The following SNX24 variants were observed in gnomAD, a reference collection of about 807,000 sequenced individuals.
The protein encoded by SNX24 is sorting nexin-24.
Under a neutral mutation model 28.7 loss-of-function variants are expected in SNX24, and 22 were observed. The ratio of observed to expected loss-of-function variants is 0.77; its 90% CI spans 0.55 to 1.10. The LOEUF (loss-of-function observed/expected upper bound fraction) is 1.10. Ranked by LOEUF, SNX24 falls within the 50% of genes least tolerant of loss-of-function variation. SNX24 has a pLI of 0.00. For synonymous variants in SNX24, 69 were observed against 71.5 expected (o/e 0.96, Z 0.18); for missense variants, 221 against 201.1 (o/e 1.10, Z -0.60).
At chr5:122,909,314 A>G (rs1272638470) in intron 1 of SNX24, among the ~76,000 whole-genome samples, 1 of 152,202 alleles carries the variant, frequency 6.6e-6, no homozygotes, top group Non-Finnish European at 1.5e-5. Context: ...AATCTGTGCC[A>G]GGTACCGTAC....
intron 1 of SNX24, among the ~76,000 whole-genome samples, chr5:122,887,982 G>A (rs950871438): frequency 5.9e-5 from 9 of 152,152 alleles, no homozygotes; most frequent in Admixed American, 1.3e-4. Context: ...GATTACAGGC[G>A]TGAGCCACCG....
intron 1 of SNX24, among the ~76,000 whole-genome samples, chr5:122,894,568 T>A (rs1757120418): frequency 6.6e-6 from 1 of 152,186 alleles, no homozygotes; most frequent in African/African-American, 2.4e-5. Flanking sequence ...ATTGGGGTTG[T>A]TTTTCAGCGT....
At position 122,863,348 on chromosome 5, in the gene SNX24, A is replaced by G. The variant is rs2150044478; in HGVS notation, c.60+17655A>G. Among the ~76,000 whole-genome samples, 4 of 152,082 alleles carry G rather than the reference A, an allele frequency of 2.6e-5. 1 individual carries two copies. Among genetic ancestry groups the G allele is most frequent in the Admixed American group, 2.6e-4 (4 of 15,266 alleles). The stretch of plus-strand genomic sequence containing the variant: ...AAGGACATGAAGTGGAAGTGTGCAT[A>G]GTGTGTTTTAGGAATAGAAAGGATC... On this transcript the variant is annotated intron_variant, in intron 1 of 6. Transcript: ENST00000261369.
intron 3 of SNX24, among the ~76,000 whole-genome samples, chr5:122,955,203 G>A (rs955195475): frequency 6.6e-6 from 1 of 151,664 alleles, no homozygotes; most frequent in Admixed American, 6.6e-5. Flanking sequence ...ATATTTTTTA[G>A]TTGTAAAATT....
At chr5:122,889,551 T>C (rs1756858766) in intron 1 of SNX24, among the ~76,000 whole-genome samples, 1 of 151,328 alleles carries the variant, frequency 6.6e-6, no homozygotes, top group Non-Finnish European at 1.5e-5. Context: ...AAAACCCTTT[T>C]TGTCTCAGGC....
intron 3 of SNX24, among the ~76,000 whole-genome samples, chr5:122,951,834 G>A (rs1759955928): frequency 6.6e-6 from 1 of 152,226 alleles, no homozygotes; most frequent in African/African-American, 2.4e-5. Context: ...TGCAGGCAGT[G>A]CTGGAGAGCT....
Position 123,008,752 on chromosome 5 carries a change from A to T in SNX24, c.*1003A>T. ...CACAGGATTTCATGTTATTTTCCTT[A>T]CGGCTTCCTTTTCACTGACCTCATT... On this transcript the variant is annotated 3_prime_UTR_variant, in exon 7 of 7. Transcript: ENST00000261369. The T allele has an allele frequency of 1.9e-6, 1 of 522,198 alleles. No individual in the cohort carries two copies. Among genetic ancestry groups the T allele is most frequent in the Non-Finnish European group, 2.5e-6 (1 of 407,066 alleles). The allele number at this position is 522,198 out of a possible 1,614,324, so 32.3% of individuals were successfully genotyped here. A position where few individuals can be genotyped will look rare whatever the true frequency, so the allele number is the denominator to read the frequency against.
chr5:122,889,659 A>ATG (rs1479424831), intron 1 of SNX24, among the ~76,000 whole-genome samples: 52 of 146,508 alleles, frequency 3.5e-4, no homozygotes, highest in African/African-American at 1.2e-3. Context: ...ATGTATATAT[A>ATG]TGTGTATATA....
chr5:122,986,246 A>G (rs1456683555), intron 3 of SNX24, among the ~76,000 whole-genome samples: 5 of 152,274 alleles, frequency 3.3e-5, no homozygotes, highest in Middle Eastern at 3.4e-3. Context: ...TCAAGTGGAG[A>G]TGTTAAATAG....
intron 3 of SNX24, among the ~76,000 whole-genome samples, chr5:122,963,519 A>G (rs35536244): frequency 0.027 from 4,129 of 152,302 alleles, 74 homozygotes; most frequent in Non-Finnish European, 0.038. Context: ...TTGGCATTAT[A>G]TTTCTGTGAA....
chr5:122,913,975 C>T (rs561370638), intron 1 of SNX24, among the ~76,000 whole-genome samples: 232 of 152,260 alleles, frequency 1.5e-3, no homozygotes, highest in African/African-American at 5.3e-3. Flanking sequence ...TCAGGCGTGG[C>T]GGCGCGCACC....
At chr5:122,880,162 A>T (rs1017857785) in intron 1 of SNX24, among the ~76,000 whole-genome samples, 4 of 152,184 alleles carry the variant, frequency 2.6e-5, no homozygotes, top group Non-Finnish European at 5.9e-5. Context: ...TGATCAATAT[A>T]TTATCCTTAG....
chr5:123,016,447 G>A (rs1004183056), intron 5 of SNX24, among the ~76,000 whole-genome samples: 2 of 152,102 alleles, frequency 1.3e-5, no homozygotes, highest in Non-Finnish European at 2.9e-5. Context: ...GATAATGAGG[G>A]GCTACGGCTA....
intron 1 of SNX24, among the ~76,000 whole-genome samples, chr5:122,900,096 T>C (rs560848633): frequency 6.6e-6 from 1 of 152,046 alleles, no homozygotes; most frequent in East Asian, 1.9e-4. Context: ...CAGGGATCAC[T>C]GCTGCCTTGA....
intron 5 of SNX24, among the ~76,000 whole-genome samples, chr5:123,014,333 ATT>A (rs70988553): frequency 0.36 from 27,366 of 76,300 alleles, 4,748 homozygotes; most frequent in Admixed American, 0.41. Flanking sequence ...TGCCCAGCTG[ATT>A]TTTTTTTTTT....
intron 1 of SNX24, among the ~76,000 whole-genome samples, chr5:122,868,005 A>G (rs1337606752): frequency 6.6e-6 from 1 of 152,188 alleles, no homozygotes; most frequent in Non-Finnish European, 1.5e-5. Context: ...ATTTCTCTTC[A>G]CCACTTTGCT....
At chr5:123,020,499 T>C (rs1169498263) in intron 5 of SNX24, among the ~76,000 whole-genome samples, 1 of 152,248 alleles carries the variant, frequency 6.6e-6, no homozygotes, top group Non-Finnish European at 1.5e-5. Context: ...GAATGCATAC[T>C]ATTCTATTAT....
At chr5:122,915,062 T>A (rs940119029) in intron 1 of SNX24, among the ~76,000 whole-genome samples, 3 of 152,182 alleles carry the variant, frequency 2.0e-5, no homozygotes, top group African/African-American at 7.2e-5. Flanking sequence ...TTCAGGGTTT[T>A]TTTAGACTTT....
chr5:122,916,807 CG>C (rs1166201609), intron 1 of SNX24, among the ~76,000 whole-genome samples: 3 of 152,084 alleles, frequency 2.0e-5, no homozygotes, highest in Non-Finnish European at 4.4e-5. Context: ...TCAGCCTTAT[CG>C]GGGGGTGTGA....
Sources: gnomAD v4.1 joint callset for allele counts (sites outside exome capture counted in the v4.1 genomes callset) on GRCh38, gnomAD v4.1.1 for gene constraint, MANE v1.5 for transcripts, NCBI Gene and HGNC (gene_info 2026-07-23, HGNC 2026-07-21) for gene names.